LEMD2: variants seen among roughly 807,000 people sequenced by gnomAD.
LEMD2 encodes LEM domain-containing protein 2.
Under a neutral mutation model 58.8 loss-of-function variants are expected in LEMD2, and 34 were observed. The ratio of observed to expected loss-of-function variants is 0.58; its 90% CI spans 0.44 to 0.77. The LOEUF (loss-of-function observed/expected upper bound fraction) is 0.77. Ranked by LOEUF, LEMD2 falls within the 30% of genes least tolerant of loss-of-function variation. The pLI is 0.00. For missense variants in LEMD2, 629 were observed against 717.9 expected (o/e 0.88, Z 1.42); for synonymous variants, 298 against 308.9 (o/e 0.96, Z 0.37).
Position 33,781,160 on chromosome 6 carries a change from G to GAAA in LEMD2, c.854-10_854-8dup. The GAAA allele has an allele frequency of 1.3e-6, 2 of 1,562,766 alleles. No individual in the cohort carries two copies. Among genetic ancestry groups the GAAA allele is most frequent in the Non-Finnish European group, 1.8e-6 (2 of 1,136,506 alleles). ...TTTCCACACTCAAAATTACCTAGGA[G>GAAA]AAAAAAAACCACACATGCTCAAACA... On this transcript the variant is annotated splice_polypyrimidine_tract_variant and splice_region_variant and intron_variant, in intron 3 of 8. Transcript: ENST00000293760.
At chr6:33,788,260 AAG>A in intron 1 of LEMD2, 119 bp downstream of exon 1, 1 of 1,036,402 alleles carries the variant, frequency 9.6e-7, no homozygotes, top group South Asian at 1.8e-5. Context: ...TGGAAATGAG[AAG>A]ACAGTCAGAG....
At chr6:33,779,513 C>G (rs1767516232) in intron 5 of LEMD2, 1 of 152,090 alleles carries the variant, frequency 6.6e-6, no homozygotes, top group African/African-American at 2.4e-5. Context: ...GGGGACAGGT[C>G]TCTCAAGGCT....
Position 33,789,007 on chromosome 6 carries a change from C to T in LEMD2, c.110G>A (p.Arg37His). ...TRDVYRNKLR[R>H]LRGEARLRDE... ...GCGCAGCCGGGCCTCGCCCCGCAGG[C>T]GGCGCAGCTTGTTGCGGTAGACATC... Residue 37 changes from arginine to histidine, a missense_variant, in exon 1 of 9, where the codon CGC (arginine) becomes CAC (histidine). Physicochemically the swap from Arg to His is conservative, Grantham distance 29. Around this residue, in one of 2 missense-constraint regions of LEMD2, gnomAD observed 386 missense variants for 381.1 expected, o/e 1.01. Coordinates refer to ENST00000293760, the MANE Select transcript of LEMD2 (RefSeq NM_181336.4). 6.4e-7 allele frequency: 1 copy of T among 1,552,430 alleles called. No individual in the cohort carries two copies. The highest frequency in any genetic ancestry group is 8.6e-7 in the Non-Finnish European group (1 of 1,156,352).
rs1456553870 is a variant in LEMD2 at position 33,778,978 on chromosome 6, A to G, written c.1011-591T>C. On this transcript the variant is annotated intron_variant, in intron 5 of 8. Coordinates refer to ENST00000293760, the MANE Select transcript of LEMD2 (RefSeq NM_181336.4). The surrounding 1 kb of genome is among the most constrained non-coding windows in gnomAD (Gnocchi z 4.7). ...GGACCTGCAGAGGTGGGGACACCAG[A>G]GCCTTCTTCCAGCTAGGTGACCCAG... 2.6e-5 allele frequency: 4 copies of G among 152,138 alleles called. No homozygotes were observed. The highest frequency in any genetic ancestry group is 4.8e-5 in the African/African-American group (2 of 41,412). 9.4% of individuals were successfully genotyped at this position (152,138 alleles called of 1,614,324 possible).
chr6:33,788,256 TGAG>T, intron 1 of LEMD2, 122 bp downstream of exon 1: 1 of 1,007,984 alleles, frequency 9.9e-7, no homozygotes, highest in South Asian at 1.8e-5. Flanking sequence ...GGCCTGGAAA[TGAG>T]AAGACAGTCA....
In LEMD2 at chr6:33,788,873, A is replaced by C. The variant is rs1214579647; in HGVS notation, c.244T>G (p.Ser82Ala). 5 of 1,373,604 alleles carry C rather than the reference A, an allele frequency of 3.6e-6. No individual in the cohort carries two copies. The African/African-American group carries it at 7.7e-5, about 21-fold the overall frequency. 85.1% of individuals were successfully genotyped at this position (1,373,604 alleles called of 1,614,324 possible). Residue 82 changes from serine to alanine, a missense_variant, in exon 1 of 9, where the codon TCT (serine) becomes GCT (alanine). This residue lies in a region of LEMD2 where 386 missense variants were observed against 381.1 expected (regional missense o/e 1.01). Coordinates refer to ENST00000293760, the MANE Select transcript of LEMD2 (RefSeq NM_181336.4). ...GAGAGCCAGGGCTCCGCCCGCGGAG[A>C]GGCCGCGGCGGGCCGGGCGCGCAGC... ...APLRARPAAA[S>A]PRAEPWLSQP... is the part of the protein sequence containing the mutation.
In LEMD2 at chr6:33,788,537, C is replaced by G. The variant is rs1212157594; in HGVS notation, c.580G>C (p.Gly194Arg). 2 of 1,492,176 alleles carry G rather than the reference C, an allele frequency of 1.3e-6. No homozygotes were observed. The highest frequency in any genetic ancestry group is 1.8e-6 in the Non-Finnish European group (2 of 1,121,860). 92.4% of individuals were successfully genotyped at this position (1,492,176 alleles called of 1,614,324 possible). ...ACCTCAGGCCGGGCCCTCGCCGCGC[C>G]AGCAGGGCCCGCTCGAGTCGCCCGC... is the stretch of plus-strand genomic sequence containing the variant. The part of the protein sequence containing the change: ...GLRATRAGPA[G>R]AARARPEVGR... Residue 194 changes from glycine (G) to arginine (R), a missense_variant, in exon 1 of 9, where the codon GGC becomes CGC. Physicochemically the swap from Gly to Arg is moderately radical, Grantham distance 125. Coordinates refer to ENST00000293760, the MANE Select transcript of LEMD2 (RefSeq NM_181336.4).
chr6:33,779,180 G>A (rs1767508445), intron 5 of LEMD2: 1 of 152,000 alleles, frequency 6.6e-6, no homozygotes, highest in Non-Finnish European at 1.5e-5. Flanking sequence ...CAGCTTCAGT[G>A]AGCGCTGCTG....
rs115493912 is a variant in LEMD2 at position 33,784,832 on chromosome 6, G to A, written c.778-405C>T. Among the ~76,000 whole-genome samples the A allele has an allele frequency of 5.4e-3, 826 of 152,316 alleles. 11 individuals carry two copies. Among genetic ancestry groups the A allele is most frequent in the African/African-American group, 0.019 (777 of 41,574 alleles). ...GGAGTTTGCAGAGATGGGAGAGCTG[G>A]AAGAGCTAGGAGAGCTTGCAGACAG... On this transcript the variant is annotated intron_variant, in intron 2 of 8. Coordinates refer to ENST00000293760, the MANE Select transcript of LEMD2 (RefSeq NM_181336.4).
At chr6:33,784,477 G>GCCCCCCCC in intron 2 of LEMD2, 50 bp from the exon 3 acceptor site, 1 of 430,802 alleles carries the variant, frequency 2.3e-6, no homozygotes. Flanking sequence ...GGTGGGAGGG[G>GCCCCCCCC]TCCGTCTGTC....
At chr6:33,787,803 G>A (rs943687347) in intron 1 of LEMD2, among the ~76,000 whole-genome samples, 3 of 152,222 alleles carry the variant, frequency 2.0e-5, no homozygotes, top group Non-Finnish European at 4.4e-5. Context: ...GGTGCTACAA[G>A]CAATGATAAG....
Position 33,777,145 on chromosome 6 carries a change from CT to C in LEMD2, c.1250del (p.Lys417ArgfsTer3). ...EEQAMYEMVK[K>X]IIDVVQDHYV... ...CACCAGGGGGCCACGCACCTATAAT[CT>C]TCTTCACCATCTCATACATGGCTTG... On this transcript the variant is annotated frameshift_variant, in exon 7 of 9. Coordinates refer to ENST00000293760, the MANE Select transcript of LEMD2 (RefSeq NM_181336.4). LOFTEE classifies it high-confidence loss of function. 1 of 1,614,100 alleles carries C rather than the reference CT, an allele frequency of 6.2e-7. No individual in the cohort carries two copies. Among genetic ancestry groups the C allele is most frequent in the Non-Finnish European group, 8.5e-7 (1 of 1,179,926 alleles).
chr6:33,773,700 T>G (rs1229835600), intron 8 of LEMD2, among the ~76,000 whole-genome samples: 2 of 152,068 alleles, frequency 1.3e-5, no homozygotes, highest in Non-Finnish European at 2.9e-5. Context: ...GGCCACACAT[T>G]CCCTGGGGAC....
chr6:33,788,662 G>C lies in LEMD2; in HGVS notation c.455C>G (p.Thr152Arg). 2 of 1,314,780 alleles carry C rather than the reference G, an allele frequency of 1.5e-6. No homozygotes were observed. The highest frequency in any genetic ancestry group is 1.9e-6 in the Non-Finnish European group (2 of 1,033,960). 81.4% of individuals were successfully genotyped at this position (1,314,780 alleles called of 1,614,324 possible). Reference sequence around the variant, plus strand: ...GCGGGCCGCGAGACCCGGGCCCTGCGTGGCCCTGTCGGGCGTCCGGGCGTC... The same window carrying C: ...GCGGGCCGCGAGACCCGGGCCCTGCCTGGCCCTGTCGGGCGTCCGGGCGTC... ...DEDARTPDRA[T>R]QGPGLAARRW... The change falls in exon 1 of 9, where the codon ACG (threonine) becomes AGG (arginine). Residue 152 changes from threonine (T) to arginine (R), a missense_variant. Thr to Arg is a moderately conservative substitution (Grantham distance 71). Coordinates refer to ENST00000293760, the MANE Select transcript of LEMD2 (RefSeq NM_181336.4).
intron 3 of LEMD2, chr6:33,782,029 A>C (rs1767576830): frequency 6.6e-6 from 1 of 152,060 alleles, no homozygotes; most frequent in Non-Finnish European, 1.5e-5. Context: ...TCATATTTTA[A>C]AACTTTGAAA....
At chr6:33,773,066 T>C (rs1475136395) in intron 8 of LEMD2, among the ~76,000 whole-genome samples, 1 of 152,202 alleles carries the variant, frequency 6.6e-6, no homozygotes, top group Non-Finnish European at 1.5e-5. Flanking sequence ...TGTGCTAGGC[T>C]AGCTGACTCT....
At chr6:33,780,250 G>T in intron 4 of LEMD2, 71 bp from the exon 5 acceptor site, 1 of 1,316,498 alleles carries the variant, frequency 7.6e-7, no homozygotes, top group Non-Finnish European at 1.1e-6. Flanking sequence ...TCTGCTGCTG[G>T]ATTAAGGAAG....
At position 33,772,063 on chromosome 6, in the gene LEMD2, T is replaced by C; in HGVS notation, c.*565A>G. On this transcript the variant is annotated 3_prime_UTR_variant, in exon 9 of 9. Transcript: ENST00000293760. ...ACCTGAGGGACCGTGTGTCTGGGCC[T>C]GGTGTTTCTAGACGGTCCCCCCTAC... is the stretch of plus-strand genomic sequence containing the variant. 6.5e-6 allele frequency: 1 copy of C among 153,220 alleles called. No individual in the cohort carries two copies. Among genetic ancestry groups the C allele is most frequent in the Non-Finnish European group, 1.5e-5 (1 of 68,420 alleles). 9.5% of individuals were successfully genotyped at this position (153,220 alleles called of 1,614,324 possible). A position where few individuals can be genotyped will look rare whatever the true frequency, so the allele number is the denominator to read the frequency against.
chr6:33,788,677 G>A lies in LEMD2; in HGVS notation c.440C>T (p.Thr147Met), dbSNP rs1450453984. 3 of 1,336,132 alleles carry A rather than the reference G, an allele frequency of 2.2e-6. No individual in the cohort carries two copies. The highest frequency in any genetic ancestry group is 2.9e-6 in the Non-Finnish European group (3 of 1,043,312). The allele number at this position is 1,336,132 out of a possible 1,614,324, so 82.8% of individuals were successfully genotyped here. ...GSSEEDEDAR[T>M]PDRATQGPGL... The stretch of plus-strand genomic sequence containing the variant: ...CGGGCCCTGCGTGGCCCTGTCGGGC[G>A]TCCGGGCGTCCTCGTCCTCCTCGGA... Residue 147 changes from threonine (T) to methionine (M), a missense_variant, in exon 1 of 9, where the codon ACG (threonine) becomes ATG (methionine). By Grantham distance (81) the Thr-to-Met change is moderately conservative (BLOSUM62 -1). This residue lies in a region of LEMD2 where 386 missense variants were observed against 381.1 expected (regional missense o/e 1.01). Transcript: ENST00000293760.
Sources: allele counts gnomAD v4.1 joint callset (sites outside exome capture counted in the v4.1 genomes callset), GRCh38; gene constraint gnomAD v4.1.1; regional missense constraint gnomAD v4.1.1; non-coding constraint Gnocchi (gnomAD v3.1); transcripts MANE v1.5; gene names NCBI Gene and HGNC (gene_info 2026-07-23, HGNC 2026-07-21).